SCFD2: variants seen among roughly 807,000 people sequenced by gnomAD.
The protein encoded by SCFD2 is sec1 family domain-containing protein 2.
In SCFD2, 54 loss-of-function variants were observed where a neutral mutation model predicts 58.9. The observed-to-expected ratio is 0.92, with a 90% CI of 0.74 to 1.15. The LOEUF is 1.15. SCFD2 is among the 50% of genes most tolerant of loss of function. SCFD2 has a pLI of 0.00. For synonymous variants in SCFD2, 321 were observed against 335.9 expected (o/e 0.96, Z 0.49); for missense variants, 805 against 836.6 (o/e 0.96, Z 0.47).
intron 5 of SCFD2, among the ~76,000 whole-genome samples, chr4:52,991,417 C>T (rs1721610266): frequency 6.6e-6 from 1 of 152,128 alleles, no homozygotes; most frequent in Non-Finnish European, 1.5e-5. Flanking sequence ...TGCCCTTCCA[C>T]CTTAGGAGGA....
intron 7 of SCFD2, among the ~76,000 whole-genome samples, chr4:52,900,278 GT>G (rs1719153468): frequency 6.6e-6 from 1 of 152,142 alleles, no homozygotes; most frequent in African/African-American, 2.4e-5. Flanking sequence ...CATCTTTGTG[GT>G]TTTATCTACC....
chr4:53,283,115 C>A (rs944899137), intron 3 of SCFD2, among the ~76,000 whole-genome samples: 17 of 152,152 alleles, frequency 1.1e-4, no homozygotes, highest in African/African-American at 3.9e-4. Flanking sequence ...ACTCACCAAC[C>A]AGAGCAAGGT....
At chr4:53,064,686 AG>A (rs1009570484) in intron 5 of SCFD2, among the ~76,000 whole-genome samples, 39 of 152,282 alleles carry the variant, frequency 2.6e-4, no homozygotes, top group African/African-American at 8.9e-4. Flanking sequence ...AAGGCAAATA[AG>A]TGTGACATTA....
intron 5 of SCFD2, among the ~76,000 whole-genome samples, chr4:53,115,247 A>G (rs1380539997): frequency 6.6e-6 from 1 of 152,142 alleles, no homozygotes; most frequent in Non-Finnish European, 1.5e-5. Context: ...GGAGCACAAG[A>G]AGGAGAAAAC....
intron 4 of SCFD2, among the ~76,000 whole-genome samples, chr4:53,251,956 A>G (rs1730401407): frequency 6.6e-6 from 1 of 152,174 alleles, no homozygotes; most frequent in South Asian, 2.1e-4. Flanking sequence ...CCCTGTTTGC[A>G]GACGACATGA....
chr4:53,234,684 G>T (rs1170236534), intron 4 of SCFD2, among the ~76,000 whole-genome samples: 1 of 152,104 alleles, frequency 6.6e-6, no homozygotes, highest in Non-Finnish European at 1.5e-5. Flanking sequence ...CAAACACCCA[G>T]AATCTGGCGA....
Position 52,874,022 on chromosome 4 carries a change from T to C in SCFD2, c.2002A>G (p.Ile668Val). 1 of 1,614,118 alleles carries C rather than the reference T, an allele frequency of 6.2e-7. No individual in the cohort carries two copies. Among genetic ancestry groups the C allele is most frequent in the East Asian group, 2.2e-5 (1 of 44,882 alleles). Residue 668 changes from isoleucine (I) to valine (V), a missense_variant, in exon 9 of 9, where the codon ATT (isoleucine) becomes GTT (valine). Transcript: ENST00000401642. ...TCAGTTGCAAATAACAGCTCAGGAATGTTAAGTGGCTTCAGGAGTCGTGTG... is the reference window on the plus strand; with the variant it reads ...TCAGTTGCAAATAACAGCTCAGGAACGTTAAGTGGCTTCAGGAGTCGTGTG... ...LSTRLLKPLNIPELLFATDRL... is the reference protein window; with the variant it reads ...LSTRLLKPLNVPELLFATDRL...
At chr4:53,303,288 G>C (rs910081927) in intron 3 of SCFD2, among the ~76,000 whole-genome samples, 1 of 152,016 alleles carries the variant, frequency 6.6e-6, no homozygotes. Context: ...AAAAGTGGGC[G>C]AAGGATATGA....
intron 4 of SCFD2, among the ~76,000 whole-genome samples, chr4:53,175,739 A>G (rs1325218540): frequency 6.6e-6 from 1 of 152,216 alleles, no homozygotes; most frequent in Non-Finnish European, 1.5e-5. Flanking sequence ...AAAGCACACT[A>G]GCAGATAAGA....
intron 7 of SCFD2, among the ~76,000 whole-genome samples, chr4:52,896,656 T>A (rs1458360508): frequency 6.6e-6 from 1 of 152,230 alleles, no homozygotes; most frequent in Non-Finnish European, 1.5e-5. Context: ...TCTTTTTTGG[T>A]TCCATATGAA....
At chr4:53,112,908 C>G (rs1725213135) in intron 5 of SCFD2, among the ~76,000 whole-genome samples, 2 of 152,044 alleles carry the variant, frequency 1.3e-5, no homozygotes, top group African/African-American at 4.8e-5. Context: ...CCTATTCCCA[C>G]CATCATCTAT....
intron 5 of SCFD2, among the ~76,000 whole-genome samples, chr4:53,105,453 A>C (rs1312524471): frequency 6.6e-6 from 1 of 152,102 alleles, no homozygotes; most frequent in Non-Finnish European, 1.5e-5. Flanking sequence ...ATTCTCACTG[A>C]CAGCACAGCA....
intron 4 of SCFD2, among the ~76,000 whole-genome samples, chr4:53,217,165 C>G (rs1728872319): frequency 6.6e-6 from 1 of 152,140 alleles, no homozygotes; most frequent in Non-Finnish European, 1.5e-5. Context: ...ATTAGGTCCA[C>G]TTGGTGCAGA....
intron 8 of SCFD2, among the ~76,000 whole-genome samples, chr4:52,876,342 C>T (rs1472854303): frequency 6.6e-6 from 1 of 152,202 alleles, no homozygotes; most frequent in African/African-American, 2.4e-5. Context: ...CCTTTTGAAT[C>T]TTATGAAAGC....
chr4:53,295,203 T>C (rs1577940085), intron 3 of SCFD2, among the ~76,000 whole-genome samples: 1 of 152,346 alleles, frequency 6.6e-6, no homozygotes, highest in South Asian at 2.1e-4. Context: ...TTGATGGGGA[T>C]AGCTCTGAAT....
chr4:52,994,099 C>T (rs1721686841), intron 5 of SCFD2, among the ~76,000 whole-genome samples: 1 of 152,208 alleles, frequency 6.6e-6, no homozygotes, highest in Admixed American at 6.5e-5. Flanking sequence ...CATCCTCAGG[C>T]CAGCAGTTCC....
intron 2 of SCFD2, among the ~76,000 whole-genome samples, chr4:53,343,984 C>G (rs916862289): frequency 5.3e-5 from 8 of 152,148 alleles, no homozygotes; most frequent in Non-Finnish European, 1.2e-4. Flanking sequence ...AAACCCACAG[C>G]CAATATCATA....
chr4:53,081,343 G>C lies in SCFD2; in HGVS notation c.1561+63990C>G, dbSNP rs139046797. On this transcript the variant is annotated intron_variant, in intron 5 of 8. Transcript: ENST00000401642. ...TGCGTGATGCTGAGGTTTGGAGTAC[G>C]GATCCCATCACCCAGACAGTGAGTA... is the stretch of plus-strand genomic sequence containing the variant. Among the ~76,000 whole-genome samples the C allele has an allele frequency of 1.9e-3, 285 of 152,124 alleles. 2 individuals carry two copies. The highest frequency in any genetic ancestry group is 5.1e-3 in the Admixed American group (78 of 15,262).
At chr4:52,994,855 C>T (rs1045394496) in intron 5 of SCFD2, among the ~76,000 whole-genome samples, 1 of 151,874 alleles carries the variant, frequency 6.6e-6, no homozygotes, top group African/African-American at 2.4e-5. Context: ...CCATCATCAT[C>T]GTCATAAAAA....
Sources: gnomAD v4.1 joint callset for allele counts (sites outside exome capture counted in the v4.1 genomes callset) on GRCh38, gnomAD v4.1.1 for gene constraint, MANE v1.5 for transcripts, NCBI Gene and HGNC (gene_info 2026-07-23, HGNC 2026-07-21) for gene names.